NEK6: variants seen among roughly 807,000 people sequenced by gnomAD.
NEK6 encodes the protein serine/threonine-protein kinase Nek6.
A neutral mutation model predicts 43.5 loss-of-function variants in NEK6; 27 were observed. That is an observed-to-expected ratio of 0.62 (90% CI 0.46 to 0.86). The LOEUF is 0.86. Among genes scored for constraint, NEK6 ranks in the 40% least tolerant of loss-of-function variants. The pLI is 0.00. For synonymous variants in NEK6, 167 were observed against 164.1 expected (o/e 1.02, Z -0.14); for missense variants, 318 against 414.4 (o/e 0.77, Z 2.02).
intron 1 of NEK6, among the ~76,000 whole-genome samples, chr9:124,270,541 GT>G (rs1410598219): frequency 3.9e-5 from 6 of 152,090 alleles, no homozygotes; most frequent in Non-Finnish European, 8.8e-5. Context: ...AAACACAAAA[GT>G]TTTTTCCTTT....
intron 4 of NEK6, among the ~76,000 whole-genome samples, chr9:124,320,510 G>C (rs1396849525): frequency 6.6e-6 from 1 of 152,182 alleles, no homozygotes; most frequent in African/African-American, 2.4e-5. Context: ...TGGTTGGCTG[G>C]TGTCTGGACT....
rs1437369082 is a variant in NEK6, at chr9:124,326,042, G to T, written c.406-288G>T. Among the ~76,000 whole-genome samples the T allele has an allele frequency of 6.6e-6, 1 of 152,224 alleles. No homozygotes were observed. The highest frequency in any genetic ancestry group is 1.5e-5 in the Non-Finnish European group (1 of 68,036). ...GCCACTTTCAGCATATTTGAGCTGG[G>T]TGTCCATGCAGCAAAGCCATCCGGA... is the stretch of plus-strand genomic sequence containing the variant. On this transcript the variant is annotated intron_variant, in intron 5 of 9. Coordinates refer to ENST00000320246, the MANE Select transcript of NEK6 (RefSeq NM_014397.6). The surrounding 1 kb of genome is among the most constrained non-coding windows in gnomAD (Gnocchi z 4.5).
intron 1 of NEK6, among the ~76,000 whole-genome samples, chr9:124,273,062 G>A (rs993428530): frequency 6.6e-6 from 1 of 152,186 alleles, no homozygotes; most frequent in African/African-American, 2.4e-5. Context: ...CAGACTGTTG[G>A]TGCTAAAATT....
chr9:124,272,701 A>C (rs1831496144), intron 1 of NEK6, among the ~76,000 whole-genome samples: 2 of 152,184 alleles, frequency 1.3e-5, no homozygotes, highest in Non-Finnish European at 2.9e-5. Flanking sequence ...CTGGTCATGG[A>C]GACCCACCTG....
intron 1 of NEK6, among the ~76,000 whole-genome samples, chr9:124,269,003 G>C (rs1032963294): frequency 6.6e-6 from 1 of 152,184 alleles, no homozygotes; most frequent in African/African-American, 2.4e-5. Flanking sequence ...CTGTGATCCC[G>C]AGAAGCGTCA....
intron 5 of NEK6, among the ~76,000 whole-genome samples, chr9:124,323,974 C>A (rs960874704): frequency 6.6e-6 from 1 of 152,132 alleles, no homozygotes; most frequent in African/African-American, 2.4e-5. Context: ...CCTGGCCCCC[C>A]ACGCCTCGGG....
In NEK6 at chr9:124,324,509, C is replaced by T. The variant is rs138641533; in HGVS notation, c.406-1821C>T. On this transcript the variant is annotated intron_variant, in intron 5 of 9. Coordinates refer to ENST00000320246, the MANE Select transcript of NEK6 (RefSeq NM_014397.6). This position sits in a 1 kb window ranked among gnomAD's most constrained non-coding sequence, Gnocchi z 5.3. ...CGCCTCCCCGCTAAATGTCAGACAG[C>T]GCTTATAGGACATGACATTTAGAAA... Among the ~76,000 whole-genome samples, 174 of 152,340 alleles carry T rather than the reference C, an allele frequency of 1.1e-3. 1 individual carries two copies. The highest frequency in any genetic ancestry group is 4.1e-3 in the South Asian group (20 of 4,832).
rs887452037 is a variant in NEK6 at position 124,350,028 on chromosome 9, G to A, written c.832-809G>A. Among the ~76,000 whole-genome samples, 5 of 152,298 alleles carry A rather than the reference G, an allele frequency of 3.3e-5. No individual in the cohort carries two copies. The East Asian group carries it at 5.8e-4, about 18-fold the overall frequency. On this transcript the variant is annotated intron_variant, in intron 9 of 9. Coordinates refer to ENST00000320246, the MANE Select transcript of NEK6 (RefSeq NM_014397.6). Reference sequence around the variant, plus strand: ...AGCCCCCGGGCCTCCAGAACGTCCCGTGGGCCCTTCCCAGTCCCTGAGTGA... The same window carrying A: ...AGCCCCCGGGCCTCCAGAACGTCCCATGGGCCCTTCCCAGTCCCTGAGTGA...
intron 1 of NEK6, among the ~76,000 whole-genome samples, chr9:124,278,457 C>G (rs573771415): frequency 6.6e-6 from 1 of 152,242 alleles, no homozygotes; most frequent in East Asian, 1.9e-4. Context: ...TGTCGTTTTC[C>G]GTGGAGGAGA....
At chr9:124,322,398 C>G (rs539436662) in intron 5 of NEK6, among the ~76,000 whole-genome samples, 1 of 152,346 alleles carries the variant, frequency 6.6e-6, no homozygotes, top group East Asian at 1.9e-4. Context: ...TCCAGGACCA[C>G]TGCAGCTTCA....
At position 124,351,347 on chromosome 9, in the gene NEK6, GAA is replaced by G. The variant is rs1301327850; in HGVS notation, c.*403_*404del. The G allele has an allele frequency of 5.5e-6, 1 of 182,476 alleles. No individual in the cohort carries two copies. The highest frequency in any genetic ancestry group is 1.1e-5 in the Non-Finnish European group (1 of 87,248). The allele number at this position is 182,476 out of a possible 1,614,324, so 11.3% of individuals were successfully genotyped here. ...CGTGTGATTTGTGTAGTGAGCCTTT[GAA>G]AATGGTTAGTACCGGGTTCAGTTTA... On this transcript the variant is annotated 3_prime_UTR_variant, in exon 10 of 10. Transcript: ENST00000320246.
chr9:124,321,838 G>A (rs962278199), intron 5 of NEK6, among the ~76,000 whole-genome samples: 4 of 152,202 alleles, frequency 2.6e-5, no homozygotes, highest in African/African-American at 9.6e-5. Flanking sequence ...ATATGCAAAA[G>A]CAAGGCGAAG....
At chr9:124,309,690 A>G (rs1021161368) in intron 2 of NEK6, among the ~76,000 whole-genome samples, 1 of 152,254 alleles carries the variant, frequency 6.6e-6, no homozygotes, top group Non-Finnish European at 1.5e-5. Flanking sequence ...GTAGGCGTCT[A>G]ACGTACAACA....
intron 1 of NEK6, 28 bp downstream of exon 1, chr9:124,258,113 C>A: frequency 2.0e-6 from 2 of 978,606 alleles, no homozygotes; most frequent in Non-Finnish European, 2.4e-6. Context: ...GGGGCCGGGC[C>A]GGTGGGGCCC....
chr9:124,288,324 T>G (rs764633614), intron 1 of NEK6, among the ~76,000 whole-genome samples: 2 of 152,324 alleles, frequency 1.3e-5, no homozygotes, highest in Non-Finnish European at 2.9e-5. Flanking sequence ...TGGAGTGCAG[T>G]GGCGCGACCT....
intron 2 of NEK6, among the ~76,000 whole-genome samples, chr9:124,310,377 A>G (rs1833469685): frequency 6.6e-6 from 1 of 152,208 alleles, no homozygotes. Flanking sequence ...TATTTACCCG[A>G]CAGACATTGG....
At chr9:124,279,405 G>A (rs1210085373) in intron 1 of NEK6, among the ~76,000 whole-genome samples, 2 of 151,154 alleles carry the variant, frequency 1.3e-5, no homozygotes, top group Non-Finnish European at 2.9e-5. Flanking sequence ...GGGTTCAAGC[G>A]ATTCTCCTGC....
chr9:124,296,288 T>C (rs1176261164), intron 1 of NEK6, among the ~76,000 whole-genome samples: 3 of 152,232 alleles, frequency 2.0e-5, no homozygotes, highest in African/African-American at 7.2e-5. Flanking sequence ...GACGGCTTCC[T>C]GCTTTAGGGA....
At chr9:124,267,880 A>G (rs1212558278) in intron 1 of NEK6, among the ~76,000 whole-genome samples, 1 of 152,068 alleles carries the variant, frequency 6.6e-6, no homozygotes, top group African/African-American at 2.4e-5. Flanking sequence ...ACAGACCTTT[A>G]TGGTGTTCTG....
Sources: gnomAD v4.1 joint callset for allele counts (sites outside exome capture counted in the v4.1 genomes callset) on GRCh38, gnomAD v4.1.1 for gene constraint, Gnocchi (gnomAD v3.1) non-coding constraint, MANE v1.5 for transcripts, NCBI Gene and HGNC (gene_info 2026-07-23, HGNC 2026-07-21) for gene names.